GREB1L: variants seen among roughly 807,000 people sequenced by gnomAD.
GREB1L encodes GREB1-like protein.
GREB1L carries 17 observed loss-of-function variants against 200.8 expected under a neutral mutation model. The ratio of observed to expected loss-of-function variants is 0.08; its 90% CI spans 0.06 to 0.13. The LOEUF (loss-of-function observed/expected upper bound fraction) is 0.13. Ranked by LOEUF, GREB1L falls within the 10% of genes least tolerant of loss-of-function variation. The pLI is 1.00. For missense variants in GREB1L, 1,657 were observed against 2,367.7 expected (o/e 0.70, Z 6.23); for synonymous variants, 789 against 893.0 (o/e 0.88, Z 2.08).
At chr18:21,412,866 A>G (rs533187946) in intron 7 of GREB1L, among the ~76,000 whole-genome samples, 4 of 152,194 alleles carry the variant, frequency 2.6e-5, no homozygotes, top group African/African-American at 7.2e-5. Flanking sequence ...CAAACTACAT[A>G]TATGTACCAA....
intron 2 of GREB1L, among the ~76,000 whole-genome samples, chr18:21,370,595 C>T (rs2039835138): frequency 1.3e-5 from 2 of 152,186 alleles, no homozygotes; most frequent in Non-Finnish European, 2.9e-5. Flanking sequence ...CAGTCATAAT[C>T]TATCCTATAG....
intron 1 of GREB1L, among the ~76,000 whole-genome samples, chr18:21,334,406 A>G (rs2039154086): frequency 6.6e-6 from 1 of 152,222 alleles, no homozygotes; most frequent in Non-Finnish European, 1.5e-5. Flanking sequence ...GATGATTCTC[A>G]TGAAACATAG....
At chr18:21,263,158 G>A (rs1047772044) in intron 1 of GREB1L, among the ~76,000 whole-genome samples, 6 of 152,178 alleles carry the variant, frequency 3.9e-5, no homozygotes, top group African/African-American at 7.2e-5. Context: ...CCCAGATTTG[G>A]CTGATTTCCT....
In GREB1L at chr18:21,297,357, C is replaced by T. The variant is rs1309098939; in HGVS notation, c.-120+54964C>T. 9.2e-5 allele frequency among the ~76,000 whole-genome samples: 14 copies of T among 152,088 alleles called. No individual in the cohort carries two copies. The East Asian group carries it at 1.7e-3, about 19-fold the overall frequency. On this transcript the variant is annotated intron_variant, in intron 1 of 32. Transcript: ENST00000424526. Reference sequence around the variant, plus strand: ...CATTAGGAATGCTTGTACTTCTTGTCGGCAAGAAGTCTCCTCTGGTTATCT... The same window carrying T: ...CATTAGGAATGCTTGTACTTCTTGTTGGCAAGAAGTCTCCTCTGGTTATCT...
At chr18:21,366,503 G>A (rs2039684424) in intron 2 of GREB1L, among the ~76,000 whole-genome samples, 2 of 152,052 alleles carry the variant, frequency 1.3e-5, no homozygotes, top group South Asian at 4.1e-4. Context: ...CCTATTGACT[G>A]CATATATTTG....
At chr18:21,481,595 T>G (rs2035926009) in intron 17 of GREB1L, among the ~76,000 whole-genome samples, 1 of 151,702 alleles carries the variant, frequency 6.6e-6, no homozygotes, top group Admixed American at 6.6e-5. Flanking sequence ...GGACCAGCAC[T>G]CAGATCAAGA....
At chr18:21,409,788 T>G (rs1467826635) in intron 7 of GREB1L, among the ~76,000 whole-genome samples, 1 of 152,184 alleles carries the variant, frequency 6.6e-6, no homozygotes, top group Admixed American at 6.5e-5. Context: ...CTTGGTTTCC[T>G]TTCCTCATTT....
At chr18:21,518,993 C>G (rs1484807444) in intron 31 of GREB1L, among the ~76,000 whole-genome samples, 1 of 152,162 alleles carries the variant, frequency 6.6e-6, no homozygotes, top group East Asian at 1.9e-4. Context: ...AAAAAACACA[C>G]ATATCCATAC....
At chr18:21,395,595 T>A (rs1254508127) in intron 5 of GREB1L, 34 bp downstream of exon 5, 1 of 1,442,612 alleles carries the variant, frequency 6.9e-7, no homozygotes, top group East Asian at 2.5e-5. Flanking sequence ...TTCCTTCCAA[T>A]ATGAGGGAGT....
At chr18:21,417,422 G>A (rs1251248865) in intron 7 of GREB1L, among the ~76,000 whole-genome samples, 1 of 152,134 alleles carries the variant, frequency 6.6e-6, no homozygotes, top group African/African-American at 2.4e-5. Context: ...GCGGAGGCAC[G>A]AGAATCGCTT....
intron 1 of GREB1L, among the ~76,000 whole-genome samples, chr18:21,325,813 C>CAA (rs60239796): frequency 1.9e-3 from 80 of 41,660 alleles, no homozygotes; most frequent in Non-Finnish European, 3.8e-3. Context: ...GACCTTGTCT[C>CAA]AAAAAAAAAA....
intron 15 of GREB1L, among the ~76,000 whole-genome samples, chr18:21,458,913 G>A (rs2034903930): frequency 6.6e-6 from 1 of 152,098 alleles, no homozygotes; most frequent in Admixed American, 6.6e-5. Flanking sequence ...GAGAATACTA[G>A]CATACTGGTG....
At chr18:21,243,025 G>C (rs2037530434) in intron 1 of GREB1L, among the ~76,000 whole-genome samples, 2 of 152,146 alleles carry the variant, frequency 1.3e-5, no homozygotes, top group South Asian at 4.1e-4. Flanking sequence ...GCGGGCGCGC[G>C]TGTCTTCCGG....
intron 1 of GREB1L, among the ~76,000 whole-genome samples, chr18:21,274,711 T>A (rs571599260): frequency 6.6e-6 from 1 of 151,326 alleles, no homozygotes; most frequent in East Asian, 2.0e-4. Context: ...CTGGGTGACA[T>A]GGTGAAACCC....
chr18:21,356,931 T>C lies in GREB1L; in HGVS notation c.-119-9096T>C, dbSNP rs540762494. Among the ~76,000 whole-genome samples, 12 of 152,352 alleles carry C rather than the reference T, an allele frequency of 7.9e-5. No individual in the cohort carries two copies. The South Asian group carries it at 2.5e-3, about 32-fold the overall frequency. ...ATGTTTCCCTGATGATCAGTGAAGT[T>C]GAGCATTTTTTCATATACTGTTGGC... On this transcript the variant is annotated intron_variant, in intron 1 of 32. Coordinates refer to ENST00000424526, the MANE Select transcript of GREB1L (RefSeq NM_001142966.3).
intron 1 of GREB1L, among the ~76,000 whole-genome samples, chr18:21,340,880 T>C (rs1226599559): frequency 1.3e-5 from 2 of 152,234 alleles, no homozygotes; most frequent in Admixed American, 1.3e-4. Flanking sequence ...GAAAGAATTC[T>C]ATAAAGTAGA....
chr18:21,411,914 G>A (rs2144709489), intron 7 of GREB1L, among the ~76,000 whole-genome samples: 1 of 151,916 alleles, frequency 6.6e-6, no homozygotes, highest in South Asian at 2.1e-4. Flanking sequence ...GCGCAGTGGT[G>A]GGCGCCTATA....
At chr18:21,450,497 G>T (rs938943457) in intron 12 of GREB1L, among the ~76,000 whole-genome samples, 3 of 152,170 alleles carry the variant, frequency 2.0e-5, no homozygotes, top group African/African-American at 7.2e-5. Flanking sequence ...TGTGCTACAT[G>T]TATTTCCAGA....
intron 1 of GREB1L, among the ~76,000 whole-genome samples, chr18:21,334,335 C>G (rs949899914): frequency 1.1e-4 from 17 of 152,004 alleles, no homozygotes; most frequent in African/African-American, 3.9e-4. Flanking sequence ...TGAGCAGGAT[C>G]TAAACTTTAT....
Sources: gnomAD v4.1 joint callset for allele counts (sites outside exome capture counted in the v4.1 genomes callset) on GRCh38, gnomAD v4.1.1 for gene constraint, MANE v1.5 for transcripts, NCBI Gene and HGNC (gene_info 2026-07-23, HGNC 2026-07-21) for gene names.